MYO3B: variants seen among roughly 807,000 people sequenced by gnomAD.
MYO3B encodes myosin-IIIb.
MYO3B carries 156 observed loss-of-function variants against 174.6 expected under a neutral mutation model. The ratio of observed to expected loss-of-function variants is 0.89; its 90% CI spans 0.78 to 1.02. The LOEUF (loss-of-function observed/expected upper bound fraction) is 1.02, where lower values mean the gene tolerates loss of function less well. Among genes scored for constraint, MYO3B ranks in the 50% least tolerant of loss-of-function variants. MYO3B has a pLI of 0.00. For synonymous variants in MYO3B, 563 were observed against 569.1 expected (o/e 0.99, Z 0.15); for missense variants, 1,632 against 1,639.4 (o/e 1.00, Z 0.08).
intron 22 of MYO3B, among the ~76,000 whole-genome samples, chr2:170,428,071 A>G (rs2105876390): frequency 1.3e-5 from 2 of 152,354 alleles, no homozygotes; most frequent in East Asian, 3.9e-4. Flanking sequence ...GTCTCCTCTC[A>G]CGTGCTAAGA....
At chr2:170,185,814 A>G (rs1395464666) in intron 1 of MYO3B, among the ~76,000 whole-genome samples, 2 of 152,008 alleles carry the variant, frequency 1.3e-5, no homozygotes, top group East Asian at 3.9e-4. Flanking sequence ...GTCCTGTTCA[A>G]TTTCTTTCAT....
chr2:170,648,965 TATA>T (rs1335062602), intron 32 of MYO3B, among the ~76,000 whole-genome samples: 1 of 88,760 alleles, frequency 1.1e-5, no homozygotes, highest in African/African-American at 4.8e-5. Flanking sequence ...ATATATAATG[TATA>T]ATATATAAAA....
At chr2:170,404,471 C>T in intron 20 of MYO3B, 71 bp downstream of exon 20, 2 of 1,437,750 alleles carry the variant, frequency 1.4e-6, no homozygotes, top group Non-Finnish European at 1.9e-6. Context: ...ATTGAGTGTA[C>T]TTTAATGAAT....
At chr2:170,398,233 A>G (rs866638240) in intron 16 of MYO3B, among the ~76,000 whole-genome samples, 1,331 of 46,906 alleles carry the variant, frequency 0.028, 9 homozygotes, top group African/African-American at 0.066. Context: ...CAAAAGAAAA[A>G]AAAAAAAAAA....
intron 6 of MYO3B, among the ~76,000 whole-genome samples, chr2:170,222,545 T>C (rs2092912352): frequency 6.6e-6 from 1 of 152,132 alleles, no homozygotes; most frequent in South Asian, 2.1e-4. Flanking sequence ...GCTTGCAAGC[T>C]GCGTAACTCC....
At chr2:170,221,633 G>T (rs1464282186) in intron 6 of MYO3B, among the ~76,000 whole-genome samples, 3 of 152,364 alleles carry the variant, frequency 2.0e-5, no homozygotes, top group Non-Finnish European at 4.4e-5. Flanking sequence ...TAGGAGAAGA[G>T]TTCTGTGGGA....
chr2:170,346,429 G>C (rs1240629153), intron 8 of MYO3B: 2 of 152,036 alleles, frequency 1.3e-5, no homozygotes, highest in African/African-American at 4.8e-5. Flanking sequence ...TCACTACAAT[G>C]TCAAGTATTA....
At chr2:170,497,720 A>C (rs1239729205) in intron 25 of MYO3B, among the ~76,000 whole-genome samples, 5 of 152,030 alleles carry the variant, frequency 3.3e-5, no homozygotes, top group African/African-American at 4.8e-5. Context: ...ATTGGTACGC[A>C]TTTCTCTTGT....
chr2:170,622,811 G>A lies in MYO3B; in HGVS notation c.3734-28817G>A, dbSNP rs1322789035. On this transcript the variant is annotated intron_variant, in intron 32 of 34. Transcript: ENST00000408978. ...TTGTTCAATTCCCACCTATGAGTGA[G>A]AACATGCGGTGTTTGGTTTTTTGTC... 7.0e-5 allele frequency among the ~76,000 whole-genome samples: 9 copies of A among 127,780 alleles called. No individual in the cohort carries two copies. The South Asian group carries it at 2.3e-3, about 33-fold the overall frequency. The allele number at this position is 127,780 out of a possible 152,430, so 83.8% of individuals were successfully genotyped here.
chr2:170,508,165 G>A (rs1687736910), intron 28 of MYO3B, among the ~76,000 whole-genome samples: 2 of 152,148 alleles, frequency 1.3e-5, no homozygotes, highest in Admixed American at 6.5e-5. Context: ...GAGGACGCCA[G>A]GGTTAGAGCC....
intron 28 of MYO3B, among the ~76,000 whole-genome samples, chr2:170,506,104 A>G (rs1465510078): frequency 2.0e-5 from 3 of 152,206 alleles, no homozygotes; most frequent in Non-Finnish European, 4.4e-5. Context: ...CGAGGCTGGC[A>G]GGGTGCCTTC....
intron 32 of MYO3B, among the ~76,000 whole-genome samples, chr2:170,552,359 A>G (rs895406970): frequency 2.6e-5 from 4 of 152,198 alleles, no homozygotes; most frequent in Non-Finnish European, 5.9e-5. Context: ...GGCTTCAGAT[A>G]GAGATGAGAA....
At chr2:170,318,549 A>AC (rs1559383312) in intron 7 of MYO3B, among the ~76,000 whole-genome samples, 1 of 152,164 alleles carries the variant, frequency 6.6e-6, no homozygotes, top group Admixed American at 6.5e-5. Context: ...ATTGGGCTGT[A>AC]CCCCATGATG....
At chr2:170,291,591 T>C (rs1347952251) in intron 7 of MYO3B, among the ~76,000 whole-genome samples, 2 of 152,210 alleles carry the variant, frequency 1.3e-5, no homozygotes, top group Non-Finnish European at 2.9e-5. Flanking sequence ...ACTCCCTTTA[T>C]AATTTCTTGT....
At chr2:170,635,248 G>T (rs1300582830) in intron 32 of MYO3B, among the ~76,000 whole-genome samples, 1 of 152,202 alleles carries the variant, frequency 6.6e-6, no homozygotes, top group Non-Finnish European at 1.5e-5. Flanking sequence ...TTAAGAAAAT[G>T]TGGCACATAT....
chr2:170,225,230 C>T (rs1202320853), intron 6 of MYO3B, among the ~76,000 whole-genome samples: 1 of 152,224 alleles, frequency 6.6e-6, no homozygotes. Flanking sequence ...GGTGCTATTG[C>T]TAGTCCAATG....
chr2:170,249,185 C>G (rs535797208), intron 7 of MYO3B, among the ~76,000 whole-genome samples: 1 of 152,358 alleles, frequency 6.6e-6, no homozygotes, highest in East Asian at 1.9e-4. Context: ...CTGAGCCATT[C>G]TCTGCCACTT....
In MYO3B at chr2:170,654,251, G is replaced by A. The variant is rs998195463; in HGVS notation, c.*1130G>A. 1.3e-5 allele frequency: 2 copies of A among 152,078 alleles called. No homozygotes were observed. The highest frequency in any genetic ancestry group is 4.8e-5 in the African/African-American group (2 of 41,402). The allele number at this position is 152,078 out of a possible 1,614,324, so 9.4% of individuals were successfully genotyped here. A position where few individuals can be genotyped will look rare whatever the true frequency, so the allele number is the denominator to read the frequency against. ...TATATAAAACATGACAAATTGCAGT[G>A]TGATGTAATCAAAAACAAAGAAGCC... On this transcript the variant is annotated 3_prime_UTR_variant, in exon 35 of 35. Coordinates refer to ENST00000408978, the MANE Select transcript of MYO3B (RefSeq NM_138995.5).
chr2:170,651,115 G>A (rs1698978801), intron 32 of MYO3B, among the ~76,000 whole-genome samples: 1 of 152,122 alleles, frequency 6.6e-6, no homozygotes, highest in African/African-American at 2.4e-5. Context: ...GCATGCATCA[G>A]TGGTATTGTT....
Sources: gnomAD v4.1 joint callset for allele counts (sites outside exome capture counted in the v4.1 genomes callset) on GRCh38, gnomAD v4.1.1 for gene constraint, MANE v1.5 for transcripts, NCBI Gene and HGNC (gene_info 2026-07-23, HGNC 2026-07-21) for gene names.